The following LOC400499 variants were observed in gnomAD, a reference collection of about 807,000 sequenced individuals.
At chr16:11,484,732 T>G in the LOC400499 span, 1 of 397,104 alleles carries the variant, frequency 2.5e-6, no homozygotes, top group Non-Finnish European at 4.4e-6. Flanking sequence ...ACCAGTGGAC[T>G]ACTCAGATTT....
At chr16:11,410,315 G>A in the LOC400499 span, among the ~76,000 whole-genome samples, 5 of 152,274 alleles carry the variant, frequency 3.3e-5, no homozygotes, top group Middle Eastern at 3.4e-3. Context: ...TTAGCCAGGC[G>A]TGGTGGCGCA....
the LOC400499 span, among the ~76,000 whole-genome samples, chr16:11,402,526 C>T: frequency 3.3e-5 from 5 of 152,174 alleles, no homozygotes; most frequent in Non-Finnish European, 7.3e-5. Context: ...GGCCTCACCC[C>T]GCTTCCTCCC....
At chr16:11,433,106 A>C in the LOC400499 span, among the ~76,000 whole-genome samples, 8 of 152,158 alleles carry the variant, frequency 5.3e-5, no homozygotes, top group Non-Finnish European at 8.8e-5. Flanking sequence ...ATTGTCTACG[A>C]CACTCTTGTA....
chr16:11,412,065 A>C, the LOC400499 span, among the ~76,000 whole-genome samples: 2 of 151,924 alleles, frequency 1.3e-5, no homozygotes, highest in African/African-American at 4.8e-5. Flanking sequence ...GGATCTCACT[A>C]TGTTGCCCAG....
At chr16:11,450,854 G>C in the LOC400499 span, 2 of 1,503,640 alleles carry the variant, frequency 1.3e-6, no homozygotes, top group South Asian at 1.2e-5. Flanking sequence ...TCTGGTACAC[G>C]GGGTAGAGAG....
chr16:11,496,887 AATGT>A, the LOC400499 span, among the ~76,000 whole-genome samples: 1 of 95,274 alleles, frequency 1.0e-5, no homozygotes, highest in African/African-American at 3.9e-5. Flanking sequence ...TGTATGCCTC[AATGT>A]GTGTGTGTGT....
chr16:11,492,768 G>A, the LOC400499 span, among the ~76,000 whole-genome samples: 1 of 144,864 alleles, frequency 6.9e-6, no homozygotes, highest in Admixed American at 7.0e-5. Flanking sequence ...CTGGGTGACA[G>A]AGTGAGACTC....
chr16:11,410,036 C>G, the LOC400499 span, among the ~76,000 whole-genome samples: 1 of 152,102 alleles, frequency 6.6e-6, no homozygotes, highest in Non-Finnish European at 1.5e-5. Context: ...CCCAGCTACT[C>G]CAGAGGCTGA....
At chr16:11,441,772 A>G in the LOC400499 span, among the ~76,000 whole-genome samples, 5 of 152,308 alleles carry the variant, frequency 3.3e-5, no homozygotes, top group South Asian at 8.3e-4. Context: ...GCATGCAGGC[A>G]GCTTCCACAA....
the LOC400499 span, among the ~76,000 whole-genome samples, chr16:11,508,083 A>G: frequency 6.6e-6 from 1 of 152,212 alleles, no homozygotes; most frequent in Non-Finnish European, 1.5e-5. Flanking sequence ...ATTCTAGATT[A>G]TCTGGATGAG....
the LOC400499 span, among the ~76,000 whole-genome samples, chr16:11,432,223 G>A: frequency 1.3e-5 from 2 of 152,214 alleles, no homozygotes; most frequent in Non-Finnish European, 2.9e-5. Context: ...AATGACCCCT[G>A]CCAAAGCCAC....
chr16:11,398,172 G>T, the LOC400499 span, among the ~76,000 whole-genome samples: 1 of 152,172 alleles, frequency 6.6e-6, no homozygotes, highest in Non-Finnish European at 1.5e-5. Flanking sequence ...AACACCAGAG[G>T]CTCAGAGAGG....
chr16:11,449,053 C>T, the LOC400499 span: 31 of 1,487,056 alleles, frequency 2.1e-5, no homozygotes, highest in African/African-American at 9.6e-5. Flanking sequence ...CAGGCTGACT[C>T]GAGTTCGCTC....
chr16:11,518,682 C>T, the LOC400499 span, among the ~76,000 whole-genome samples: 130 of 152,276 alleles, frequency 8.5e-4, no homozygotes, highest in Non-Finnish European at 9.9e-4. Flanking sequence ...AGCCCCCCAG[C>T]GGTCTTCATC....
the LOC400499 span, chr16:11,425,397 C>T: frequency 5.0e-6 from 2 of 399,328 alleles, no homozygotes; most frequent in East Asian, 7.1e-5. Context: ...CAGGAGGAAG[C>T]CCAGCACAGC....
the LOC400499 span, among the ~76,000 whole-genome samples, chr16:11,394,733 A>G: frequency 6.6e-6 from 1 of 152,232 alleles, no homozygotes; most frequent in Non-Finnish European, 1.5e-5. Context: ...GAAGGCCACC[A>G]CGTGGGACAG....
chr16:11,438,780 T>A, the LOC400499 span, among the ~76,000 whole-genome samples: 1 of 151,210 alleles, frequency 6.6e-6, no homozygotes, highest in Non-Finnish European at 1.5e-5. Context: ...CAGAGTGAGA[T>A]CCTGTCTCAA....
At chr16:11,389,470 T>G in the LOC400499 span, among the ~76,000 whole-genome samples, 2 of 151,896 alleles carry the variant, frequency 1.3e-5, no homozygotes, top group Non-Finnish European at 2.9e-5. Flanking sequence ...TCACCTAAGG[T>G]CAGGAGTTTG....
At chr16:11,441,864 G>A in the LOC400499 span, among the ~76,000 whole-genome samples, 18 of 152,340 alleles carry the variant, frequency 1.2e-4, no homozygotes, top group African/African-American at 2.4e-4. Flanking sequence ...TTTTAGCCAC[G>A]TGAGATCCAT....
Sources: allele counts gnomAD v4.1 joint callset (sites outside exome capture counted in the v4.1 genomes callset), GRCh38; gene constraint gnomAD v4.1.1; transcripts MANE v1.5.